RALGAPA2: variants seen among roughly 807,000 people sequenced by gnomAD.
The protein encoded by RALGAPA2 is ral GTPase-activating protein subunit alpha-2.
Under a neutral mutation model 230.4 loss-of-function variants are expected in RALGAPA2, and 139 were observed. The observed-to-expected ratio is 0.60, with a 90% CI of 0.53 to 0.69. RALGAPA2 has a LOEUF of 0.69. Among genes scored for constraint, RALGAPA2 ranks in the 30% least tolerant of loss-of-function variants. RALGAPA2 has a pLI of 0.00. For missense variants in RALGAPA2, 2,163 were observed against 2,276.0 expected (o/e 0.95, Z 1.01); for synonymous variants, 847 against 837.8 (o/e 1.01, Z -0.19).
At chr20:20,616,398 C>T (rs1450025478) in intron 12 of RALGAPA2, among the ~76,000 whole-genome samples, 1 of 152,004 alleles carries the variant, frequency 6.6e-6, no homozygotes, top group African/African-American at 2.4e-5. Flanking sequence ...TACAGAGACA[C>T]CTGAAAAGCC....
intron 3 of RALGAPA2, among the ~76,000 whole-genome samples, chr20:20,654,607 T>C (rs953516070): frequency 6.6e-6 from 1 of 152,252 alleles, no homozygotes; most frequent in Admixed American, 6.5e-5. Context: ...TATTTCACTG[T>C]GTATTCATAC....
intron 37 of RALGAPA2, among the ~76,000 whole-genome samples, chr20:20,470,309 C>T (rs977773231): frequency 2.0e-4 from 30 of 152,188 alleles, no homozygotes; most frequent in African/African-American, 7.2e-4. Context: ...ATTTCCACTT[C>T]TAGTTAAATA....
At chr20:20,682,522 C>T (rs1035646827) in intron 1 of RALGAPA2, among the ~76,000 whole-genome samples, 5 of 152,154 alleles carry the variant, frequency 3.3e-5, no homozygotes, top group Admixed American at 2.6e-4. Flanking sequence ...CCATCTTACC[C>T]CCAAGACTAG....
intron 1 of RALGAPA2, among the ~76,000 whole-genome samples, chr20:20,686,055 C>T (rs1316895485): frequency 1.3e-5 from 2 of 152,220 alleles, no homozygotes; most frequent in East Asian, 3.9e-4. Context: ...TTCTACATAC[C>T]ACCCAAAATC....
At chr20:20,424,921 T>C (rs148397136) in intron 37 of RALGAPA2, among the ~76,000 whole-genome samples, 1 of 152,336 alleles carries the variant, frequency 6.6e-6, no homozygotes, top group Non-Finnish European at 1.5e-5. Context: ...ACTCTGTTTC[T>C]ATCATCACTG....
chr20:20,433,420 G>T lies in RALGAPA2; in HGVS notation c.5496-21272C>A, dbSNP rs1434634482. Reference sequence around the variant, plus strand: ...AGGAGGAGCACTCAAACCCTGCAAGGGGCTGAGGGGATTTGGAGAAGCTGC... The same window carrying T: ...AGGAGGAGCACTCAAACCCTGCAAGTGGCTGAGGGGATTTGGAGAAGCTGC... On this transcript the variant is annotated intron_variant, in intron 37 of 39. Transcript: ENST00000202677. 3.3e-5 allele frequency among the ~76,000 whole-genome samples: 5 copies of T among 152,162 alleles called. No individual in the cohort carries two copies. The East Asian group carries it at 9.6e-4, about 29-fold the overall frequency.
At chr20:20,658,755 T>C (rs956088070) in intron 3 of RALGAPA2, among the ~76,000 whole-genome samples, 6 of 152,170 alleles carry the variant, frequency 3.9e-5, no homozygotes, top group African/African-American at 1.4e-4. Flanking sequence ...ATGTGAAATG[T>C]AAGCTGGAGT....
intron 37 of RALGAPA2, among the ~76,000 whole-genome samples, chr20:20,449,216 G>A (rs531277831): frequency 2.6e-5 from 4 of 152,264 alleles, no homozygotes; most frequent in African/African-American, 7.2e-5. Context: ...CTGGATTATA[G>A]GGCAACAAGT....
In RALGAPA2 at chr20:20,574,343, T is replaced by C. The variant is rs9917468; in HGVS notation, c.2708-1275A>G. Reference sequence around the variant, plus strand: ...GGAGTGTGCTAACAAGTTCAAGGCATAGAATGTCTTTGTAATATATATTTA... The same window carrying C: ...GGAGTGTGCTAACAAGTTCAAGGCACAGAATGTCTTTGTAATATATATTTA... On this transcript the variant is annotated intron_variant, in intron 20 of 39. Coordinates refer to ENST00000202677, the MANE Select transcript of RALGAPA2 (RefSeq NM_020343.4). 3.5e-3 allele frequency among the ~76,000 whole-genome samples: 538 copies of C among 152,320 alleles called. 1 individual carries two copies. Among genetic ancestry groups the C allele is most frequent in the African/African-American group, 0.012 (517 of 41,578 alleles).
chr20:20,504,450 T>A (rs947979435), intron 34 of RALGAPA2, among the ~76,000 whole-genome samples: 2 of 151,816 alleles, frequency 1.3e-5, no homozygotes, highest in Non-Finnish European at 2.9e-5. Flanking sequence ...TAATAAAAAA[T>A]AAGGAAATTG....
intron 37 of RALGAPA2, among the ~76,000 whole-genome samples, chr20:20,464,549 T>G (rs1487281748): frequency 6.6e-6 from 1 of 152,216 alleles, no homozygotes. Flanking sequence ...CCTTCTTGTC[T>G]GCAAGGTTTC....
At position 20,487,001 on chromosome 20, in the gene RALGAPA2, T is replaced by G. The variant is rs1445646249; in HGVS notation, c.5367+8116A>C. On this transcript the variant is annotated intron_variant, in intron 36 of 39. Coordinates refer to ENST00000202677, the MANE Select transcript of RALGAPA2 (RefSeq NM_020343.4). Reference sequence around the variant, plus strand: ...TTGTCCACTTTTTCCATTAGTATCCTTAGCATATTAATCAGTAATTTTAAA... The same window carrying G: ...TTGTCCACTTTTTCCATTAGTATCCGTAGCATATTAATCAGTAATTTTAAA... 2.0e-5 allele frequency among the ~76,000 whole-genome samples: 3 copies of G among 152,382 alleles called. No individual in the cohort carries two copies. In the East Asian group the frequency reaches 5.8e-4, roughly 29 times the overall value.
chr20:20,625,369 T>C (rs1603108865), intron 10 of RALGAPA2, among the ~76,000 whole-genome samples: 1 of 152,334 alleles, frequency 6.6e-6, no homozygotes, highest in East Asian at 1.9e-4. Context: ...GGGATTTGCT[T>C]TTGCTTTCTC....
intron 35 of RALGAPA2, among the ~76,000 whole-genome samples, chr20:20,502,877 G>A (rs1018611350): frequency 6.6e-6 from 1 of 152,194 alleles, no homozygotes; most frequent in Non-Finnish European, 1.5e-5. Flanking sequence ...AGGTTGGAAA[G>A]TAAAGGCCAA....
chr20:20,667,231 A>G (rs2067983127), intron 3 of RALGAPA2, among the ~76,000 whole-genome samples: 1 of 152,220 alleles, frequency 6.6e-6, no homozygotes. Flanking sequence ...ATCATTAAAA[A>G]TTCTTTTCCC....
chr20:20,523,675 C>T (rs1370399126), intron 30 of RALGAPA2, among the ~76,000 whole-genome samples: 1 of 152,086 alleles, frequency 6.6e-6, no homozygotes, highest in Non-Finnish European at 1.5e-5. Context: ...ATTAAATTAT[C>T]AAATGTACCC....
chr20:20,450,028 G>T (rs528618436), intron 37 of RALGAPA2, among the ~76,000 whole-genome samples: 4 of 152,208 alleles, frequency 2.6e-5, no homozygotes, highest in African/African-American at 9.6e-5. Flanking sequence ...CGCTTCCTGG[G>T]CTTTGATTTT....
At chr20:20,482,035 T>C (rs2061789134) in intron 36 of RALGAPA2, among the ~76,000 whole-genome samples, 1 of 152,222 alleles carries the variant, frequency 6.6e-6, no homozygotes, top group Non-Finnish European at 1.5e-5. Flanking sequence ...AGAATTTTTA[T>C]TTTCCTACAT....
At chr20:20,452,732 C>T (rs1333689743) in intron 37 of RALGAPA2, among the ~76,000 whole-genome samples, 1 of 152,254 alleles carries the variant, frequency 6.6e-6, no homozygotes, top group Non-Finnish European at 1.5e-5. Context: ...TCGTTCATGC[C>T]TTCAGTCTCA....
Sources: gnomAD v4.1 joint callset for allele counts (sites outside exome capture counted in the v4.1 genomes callset) on GRCh38, gnomAD v4.1.1 for gene constraint, MANE v1.5 for transcripts, NCBI Gene and HGNC (gene_info 2026-07-23, HGNC 2026-07-21) for gene names.